TMPRSS11D: variants seen among roughly 807,000 people sequenced by gnomAD.
TMPRSS11D encodes transmembrane serine protease 11D.
In TMPRSS11D, 32 loss-of-function variants were observed where a neutral mutation model predicts 44.4. That is an observed-to-expected ratio of 0.72 (90% confidence interval 0.54 to 0.97). TMPRSS11D has a LOEUF of 0.97. Ranked by LOEUF, TMPRSS11D falls within the 50% of genes least tolerant of loss-of-function variation. The pLI, the probability that TMPRSS11D is intolerant of heterozygous loss-of-function variation, is 0.00. For synonymous variants in TMPRSS11D, 179 were observed against 177.9 expected (o/e 1.01, Z -0.05); for missense variants, 446 against 502.6 (o/e 0.89, Z 1.08).
At chr4:67,840,273 G>A (rs1718201740) in intron 4 of TMPRSS11D, among the ~76,000 whole-genome samples, 1 of 152,040 alleles carries the variant, frequency 6.6e-6, no homozygotes, top group Non-Finnish European at 1.5e-5. Flanking sequence ...GGCAGAAGGG[G>A]AAGCAAACAC....
At chr4:67,834,373 A>C (rs901607406) in intron 6 of TMPRSS11D, among the ~76,000 whole-genome samples, 15 of 152,148 alleles carry the variant, frequency 9.9e-5, no homozygotes, top group African/African-American at 3.6e-4. Context: ...ATTGCTTATC[A>C]CAGTTTCATT....
At chr4:67,838,132 A>C in intron 5 of TMPRSS11D, 40 bp downstream of exon 5, 1 of 1,433,654 alleles carries the variant, frequency 7.0e-7, no homozygotes, top group South Asian at 1.5e-5. Context: ...AACTTGAGGG[A>C]TATATTGAAA....
In TMPRSS11D at chr4:67,851,879, G is replaced by C. The variant is rs139851858; in HGVS notation, c.249+2189C>G. Among the ~76,000 whole-genome samples, 49 of 152,214 alleles carry C rather than the reference G, an allele frequency of 3.2e-4. No individual in the cohort carries two copies. In the East Asian group the frequency reaches 8.7e-3, roughly 27 times the overall value. ...CCCATCCTTTCCTCTCTATTCCCTG[G>C]CAGCACTTCTGGCGCCTGGTGTATC... On this transcript the variant is annotated intron_variant, in intron 3 of 9. Transcript: ENST00000283916.
chr4:67,873,775 T>C (rs1046146556), intron 1 of TMPRSS11D, among the ~76,000 whole-genome samples: 1 of 152,124 alleles, frequency 6.6e-6, no homozygotes, highest in Non-Finnish European at 1.5e-5. Context: ...GGGTTCTAGA[T>C]ACAATTACAT....
chr4:67,883,589 G>A (rs2109710651), intron 1 of TMPRSS11D, among the ~76,000 whole-genome samples: 1 of 152,028 alleles, frequency 6.6e-6, no homozygotes, highest in Non-Finnish European at 1.5e-5. Flanking sequence ...CACAAGAATT[G>A]TTTACTGATT....
intron 1 of TMPRSS11D, among the ~76,000 whole-genome samples, chr4:67,879,094 A>G (rs1416155681): frequency 6.6e-6 from 1 of 152,134 alleles, no homozygotes; most frequent in Admixed American, 6.5e-5. Context: ...CTTAAGGGAC[A>G]TTAGGGACAT....
In TMPRSS11D at chr4:67,822,151, C is replaced by T; in HGVS notation, c.*186G>A. 1 of 648,166 alleles carries T rather than the reference C, an allele frequency of 1.5e-6. No individual in the cohort carries two copies. The highest frequency in any genetic ancestry group is 2.6e-6 in the Non-Finnish European group (1 of 386,990). The allele number at this position is 648,166 out of a possible 1,614,324, so 40.2% of individuals were successfully genotyped here. A position where few individuals can be genotyped will look rare whatever the true frequency, so the allele number is the denominator to read the frequency against. On this transcript the variant is annotated 3_prime_UTR_variant, in exon 10 of 10. Coordinates refer to ENST00000283916, the MANE Select transcript of TMPRSS11D (RefSeq NM_004262.3). ...AGTACTATGCAACATTCATATAGTT[C>T]TCTGGAGAAAATAGAAAACCTTTAA... is the stretch of plus-strand genomic sequence containing the variant.
At chr4:67,878,999 G>T (rs188196049) in intron 1 of TMPRSS11D, among the ~76,000 whole-genome samples, 2 of 152,198 alleles carry the variant, frequency 1.3e-5, no homozygotes, top group East Asian at 3.9e-4. Flanking sequence ...GGATATTTAG[G>T]ATTCAAATGG....
intron 1 of TMPRSS11D, among the ~76,000 whole-genome samples, chr4:67,868,738 G>C (rs1338714424): frequency 6.6e-6 from 1 of 152,176 alleles, no homozygotes; most frequent in African/African-American, 2.4e-5. Flanking sequence ...TGAGCTTTTT[G>C]AAATGAGAAG....
In TMPRSS11D at chr4:67,859,690, G is replaced by C. The variant is rs1165842810; in HGVS notation, c.9-12C>G. On this transcript the variant is annotated splice_polypyrimidine_tract_variant and intron_variant, in intron 1 of 9. Transcript: ENST00000283916. ...TTACACGTGCTGGCCTTACAAGAGA[G>C]AGAGATCAAAGAAAGTCATTCATTT... 5.0e-6 allele frequency: 8 copies of C among 1,611,688 alleles called. No individual in the cohort carries two copies. In the African/African-American group the frequency reaches 9.4e-5, roughly 19 times the overall value.
chr4:67,847,966 C>T (rs1404636383), intron 3 of TMPRSS11D, among the ~76,000 whole-genome samples: 10 of 152,042 alleles, frequency 6.6e-5, no homozygotes, highest in African/African-American at 2.4e-4. Flanking sequence ...ATTTGAACAC[C>T]AAGTATGTGC....
chr4:67,833,346 C>T lies in TMPRSS11D; in HGVS notation c.550G>A (p.Glu184Lys). 1 of 1,585,114 alleles carries T rather than the reference C, an allele frequency of 6.3e-7. No homozygotes were observed. Among genetic ancestry groups the T allele is most frequent in the Non-Finnish European group, 8.6e-7 (1 of 1,166,600 alleles). Residue 184 changes from glutamate (E) to lysine (K), a missense_variant, in exon 7 of 10, where the codon GAG becomes AAG. By Grantham distance (56) the Glu-to-Lys change is moderately conservative. Transcript: ENST00000283916. Reference sequence around the variant, plus strand: ...TCAGTGCCTCCAAGGATTCTCTGCTCAGACAATGTTATTAGGTCTGGACCG... The same window carrying T: ...TCAGTGCCTCCAAGGATTCTCTGCTTAGACAATGTTATTAGGTCTGGACCG... ...GAGPDLITLS[E>K]QRILGGTEAE...
chr4:67,827,265 A>C lies in TMPRSS11D; in HGVS notation c.948T>G (p.Tyr316Ter). ...TTTTTTTTCCGAGACACTTACCAGC[A>C]TATTCTTGAGCGCCCCATCCTGTTA... ...AYVTGWGAQE[Y>*]AGHTVPELRQ... The change falls in exon 8 of 10, where the codon TAT (tyrosine) becomes TAG (stop). Residue 316 changes from tyrosine to a stop codon, truncating the protein, a stop_gained. Transcript: ENST00000283916. LOFTEE classifies it high-confidence loss of function. The C allele has an allele frequency of 6.3e-7, 1 of 1,596,938 alleles. No homozygotes were observed. The highest frequency in any genetic ancestry group is 8.5e-7 in the Non-Finnish European group (1 of 1,174,492).
At chr4:67,869,406 A>G (rs1719002300) in intron 1 of TMPRSS11D, among the ~76,000 whole-genome samples, 1 of 152,134 alleles carries the variant, frequency 6.6e-6, no homozygotes, top group Admixed American at 6.6e-5. Flanking sequence ...ACAACTGGCA[A>G]TTATGATTAC....
intron 7 of TMPRSS11D, among the ~76,000 whole-genome samples, chr4:67,829,160 A>T (rs187700348): frequency 6.5e-4 from 99 of 152,126 alleles, no homozygotes; most frequent in African/African-American, 2.3e-3. Context: ...TTTCATCAAT[A>T]AGTACTGTAA....
chr4:67,883,827 G>T, intron 1 of TMPRSS11D, 99 bp downstream of exon 1: 2 of 918,760 alleles, frequency 2.2e-6, no homozygotes, highest in Admixed American at 2.5e-5. Context: ...CTAGAAGATT[G>T]CTAGACACAG....
At chr4:67,839,046 G>C (rs1718170020) in intron 4 of TMPRSS11D, 1 of 151,940 alleles carries the variant, frequency 6.6e-6, no homozygotes, top group Non-Finnish European at 1.5e-5. Flanking sequence ...CCTGACATTG[G>C]CTGTCTTCTT....
At chr4:67,873,753 T>C (rs1370571222) in intron 1 of TMPRSS11D, among the ~76,000 whole-genome samples, 2 of 152,128 alleles carry the variant, frequency 1.3e-5, no homozygotes, top group Non-Finnish European at 2.9e-5. Context: ...AAGACTATGT[T>C]TTGTGTAGCA....
In TMPRSS11D at chr4:67,827,359, G is replaced by A. The variant is rs1717824705; in HGVS notation, c.854C>T (p.Thr285Ile). Residue 285 changes from threonine to isoleucine, a missense_variant, in exon 8 of 10, where the codon ACC becomes ATC. Coordinates refer to ENST00000283916, the MANE Select transcript of TMPRSS11D (RefSeq NM_004262.3). ...LVRLENSVTFTKDIHSVCLPA... is the reference protein window; with the variant it reads ...LVRLENSVTFIKDIHSVCLPA... ...GAGACACACACTATGGATATCTTTGGTAAAGGTGACACTGTTCTCAAGTCT... is the reference window on the plus strand; with the variant it reads ...GAGACACACACTATGGATATCTTTGATAAAGGTGACACTGTTCTCAAGTCT... 2 of 1,613,262 alleles carry A rather than the reference G, an allele frequency of 1.2e-6. No individual in the cohort carries two copies. Among genetic ancestry groups the A allele is most frequent in the African/African-American group, 1.3e-5 (1 of 74,950 alleles).
Sources: gnomAD v4.1 joint callset for allele counts (sites outside exome capture counted in the v4.1 genomes callset) on GRCh38, gnomAD v4.1.1 for gene constraint, MANE v1.5 for transcripts, NCBI Gene and HGNC (gene_info 2026-07-23, HGNC 2026-07-21) for gene names.